Variants in COL28A1 observed in about 807,000 individuals in gnomAD.
COL28A1 encodes the protein collagen type XXVIII alpha 1 chain.
COL28A1 carries 161 observed loss-of-function variants against 150.2 expected under a neutral mutation model. The ratio of observed to expected loss-of-function variants is 1.07; its 90% CI spans 0.94 to 1.22. The LOEUF (loss-of-function observed/expected upper bound fraction) is 1.22. Among genes scored for constraint, COL28A1 ranks in the 50% most tolerant of loss-of-function variants. The pLI is 0.00. For synonymous variants in COL28A1, 552 were observed against 469.7 expected (o/e 1.18, Z -2.26); for missense variants, 1,617 against 1,388.3 (o/e 1.16, Z -2.62).
chr7:7,481,239 G>A (rs1789361368), intron 13 of COL28A1, among the ~76,000 whole-genome samples: 1 of 152,188 alleles, frequency 6.6e-6, no homozygotes, highest in Non-Finnish European at 1.5e-5. Context: ...AAGGAGCCAA[G>A]TATTCAAAGC....
intron 10 of COL28A1, 79 bp from the exon 11 acceptor site, chr7:7,506,146 A>G: frequency 1.2e-6 from 1 of 830,108 alleles, no homozygotes; most frequent in Non-Finnish European, 2.1e-6. Flanking sequence ...GGGTCCCTAG[A>G]GATCCTGGCG....
chr7:7,461,933 C>A (rs142749159), intron 15 of COL28A1, among the ~76,000 whole-genome samples: 2 of 152,080 alleles, frequency 1.3e-5, no homozygotes, highest in African/African-American at 4.8e-5. Flanking sequence ...GGAGGCCAAC[C>A]GGCACAAAAA....
intron 25 of COL28A1, among the ~76,000 whole-genome samples, chr7:7,422,673 G>A (rs934446047): frequency 5.9e-5 from 9 of 151,732 alleles, no homozygotes; most frequent in Non-Finnish European, 2.9e-5. Flanking sequence ...GACACCATGT[G>A]CCTCCTGCTG....
intron 21 of COL28A1, among the ~76,000 whole-genome samples, chr7:7,437,793 A>AT (rs1269129016): frequency 2.6e-5 from 4 of 151,816 alleles, no homozygotes; most frequent in Admixed American, 2.0e-4. Context: ...CTCAAAGAGA[A>AT]TTTTTTTTTC....
intron 27 of COL28A1, among the ~76,000 whole-genome samples, chr7:7,415,021 C>A (rs551429141): frequency 6.6e-6 from 1 of 152,126 alleles, no homozygotes; most frequent in Non-Finnish European, 1.5e-5. Flanking sequence ...ATGCTCAATC[C>A]GTATTGGTTG....
intron 27 of COL28A1, among the ~76,000 whole-genome samples, chr7:7,390,888 G>T (rs545835649): frequency 1.4e-3 from 212 of 150,218 alleles, no homozygotes; most frequent in African/African-American, 4.9e-3. Flanking sequence ...CTCTTTTATT[G>T]GTCCAGCTAG....
intron 25 of COL28A1, among the ~76,000 whole-genome samples, chr7:7,420,469 G>T (rs1482434479): frequency 6.6e-6 from 1 of 152,368 alleles, no homozygotes; most frequent in Non-Finnish European, 1.5e-5. Flanking sequence ...TACCTGATGA[G>T]GGTAGGTGAC....
chr7:7,371,586 A>C (rs1781225304), intron 32 of COL28A1, among the ~76,000 whole-genome samples: 1 of 152,266 alleles, frequency 6.6e-6, no homozygotes, highest in Admixed American at 6.5e-5. Flanking sequence ...GGAAGGATGA[A>C]GCCAAACTGA....
intron 18 of COL28A1, among the ~76,000 whole-genome samples, chr7:7,450,282 C>A (rs1329345817): frequency 4.6e-5 from 7 of 152,050 alleles, no homozygotes; most frequent in Middle Eastern, 3.2e-3. Flanking sequence ...TGGGTTAAAT[C>A]CCTAAATTTT....
At chr7:7,419,250 T>A (rs1371441743) in intron 26 of COL28A1, among the ~76,000 whole-genome samples, 1 of 152,178 alleles carries the variant, frequency 6.6e-6, no homozygotes, top group African/African-American at 2.4e-5. Context: ...GTCCTGGGCA[T>A]TGTAGAATGG....
chr7:7,341,038 T>C, the COL28A1 span, among the ~76,000 whole-genome samples: 1 of 152,122 alleles, frequency 6.6e-6, no homozygotes, highest in Non-Finnish European at 1.5e-5. Flanking sequence ...TGTGCATGCA[T>C]AGGTAGACAG....
intron 25 of COL28A1, 138 bp from the exon 26 acceptor site, chr7:7,420,091 C>G: frequency 4.5e-6 from 2 of 445,506 alleles, no homozygotes; most frequent in East Asian, 3.5e-5. Context: ...GATCACTTTT[C>G]TATTACCACC....
At chr7:7,441,897 AAAAG>A in intron 20 of COL28A1, among the ~76,000 whole-genome samples, 1 of 152,192 alleles carries the variant, frequency 6.6e-6, no homozygotes, top group East Asian at 1.9e-4. Context: ...GGTGTAAAAA[AAAAG>A]AGTTGAATGT....
chr7:7,424,856 G>A (rs1040248054), intron 25 of COL28A1, among the ~76,000 whole-genome samples: 1 of 152,076 alleles, frequency 6.6e-6, no homozygotes, highest in African/African-American at 2.4e-5. Context: ...TTGTGCATAT[G>A]AACTTAACAA....
At chr7:7,423,573 T>C (rs918926137) in intron 25 of COL28A1, among the ~76,000 whole-genome samples, 2 of 151,256 alleles carry the variant, frequency 1.3e-5, no homozygotes, top group African/African-American at 4.9e-5. Flanking sequence ...TTTTTTAACA[T>C]AGGGATACGG....
At chr7:7,457,774 A>G (rs148418805) in intron 15 of COL28A1, among the ~76,000 whole-genome samples, 1 of 152,226 alleles carries the variant, frequency 6.6e-6, no homozygotes, top group Non-Finnish European at 1.5e-5. Context: ...CAAGAAGGTG[A>G]GGGATCCATC....
At chr7:7,450,901 T>C (rs1786641057) in intron 18 of COL28A1, among the ~76,000 whole-genome samples, 1 of 152,204 alleles carries the variant, frequency 6.6e-6, no homozygotes, top group Non-Finnish European at 1.5e-5. Context: ...TAAGGCTGAC[T>C]ATAAATATAT....
At chr7:7,489,346 T>C (rs1234364687) in intron 13 of COL28A1, 43 bp downstream of exon 13, 3 of 881,008 alleles carry the variant, frequency 3.4e-6, no homozygotes, top group Non-Finnish European at 5.9e-6. Flanking sequence ...AAGTAAAAAC[T>C]ATATTTGTCC....
At chr7:7,432,920 G>T (rs552479374) in intron 23 of COL28A1, among the ~76,000 whole-genome samples, 3 of 150,370 alleles carry the variant, frequency 2.0e-5, no homozygotes, top group African/African-American at 7.4e-5. Flanking sequence ...CACAATGTGA[G>T]AAGAGTAGAA....
Sources: allele counts gnomAD v4.1 joint callset (sites outside exome capture counted in the v4.1 genomes callset), GRCh38; gene constraint gnomAD v4.1.1; transcripts MANE v1.5; gene names NCBI Gene and HGNC (gene_info 2026-07-23, HGNC 2026-07-21).